HOOK3: variants seen among roughly 807,000 people sequenced by gnomAD.
HOOK3 encodes hook microtubule tethering protein 3, also known as protein Hook homolog 3.
HOOK3 carries 24 observed loss-of-function variants against 116.3 expected under a neutral mutation model. The ratio of observed to expected loss-of-function variants is 0.21; its 90% confidence interval spans 0.15 to 0.29. The LOEUF is 0.29. Ranked by LOEUF, HOOK3 falls within the 10% of genes least tolerant of loss-of-function variation. HOOK3 has a pLI of 1.00. For missense variants in HOOK3, 632 were observed against 830.2 expected (o/e 0.76, Z 2.93); for synonymous variants, 275 against 283.0 (o/e 0.97, Z 0.28).
At chr8:42,934,583 C>T (rs916012837) in intron 4 of HOOK3, among the ~76,000 whole-genome samples, 6 of 151,976 alleles carry the variant, frequency 3.9e-5, no homozygotes, top group Non-Finnish European at 7.4e-5. Context: ...GTGATGTTCC[C>T]TCCGTGTGTC....
Position 42,982,678 on chromosome 8 carries a change from T to C in HOOK3, c.1373T>C (p.Ile458Thr), listed in dbSNP as rs1360100584. ...QESSDSLAAE[I>T]VTPEIREKLI... ...TCTTCAGACAGTCTAGCTGCAGAGATTGTTACACCTGAAATCAGGTAAGGA... is the reference window on the plus strand; with the variant it reads ...TCTTCAGACAGTCTAGCTGCAGAGACTGTTACACCTGAAATCAGGTAAGGA... The change falls in exon 14 of 22, where the codon ATT becomes ACT. Residue 458 changes from isoleucine to threonine, a missense_variant. By Grantham distance (89) the Ile-to-Thr change is moderately conservative (BLOSUM62 -1). Transcript: ENST00000307602. 1 of 1,611,824 alleles carries C rather than the reference T, an allele frequency of 6.2e-7. No individual in the cohort carries two copies.
intron 15 of HOOK3, among the ~76,000 whole-genome samples, chr8:42,989,359 C>A (rs1473577941): frequency 6.6e-6 from 1 of 152,246 alleles, no homozygotes; most frequent in Non-Finnish European, 1.5e-5. Flanking sequence ...TGATAGAATA[C>A]CTGCAATATG....
Position 42,910,563 on chromosome 8 carries a change from G to A in HOOK3, c.143+4305G>A, listed in dbSNP as rs577472536. On this transcript the variant is annotated intron_variant, in intron 2 of 21. Coordinates refer to ENST00000307602, the MANE Select transcript of HOOK3 (RefSeq NM_032410.4). ...CCATTAATTAGTTTTGCCTGTTGTT[G>A]AATGTCTTGTAAGTAGAATCATACA... 1.9e-3 allele frequency among the ~76,000 whole-genome samples: 287 copies of A among 152,266 alleles called. 1 individual carries two copies. The highest frequency in any genetic ancestry group is 3.3e-3 in the South Asian group (16 of 4,816).
chr8:42,919,623 A>T (rs1335534986), intron 2 of HOOK3, among the ~76,000 whole-genome samples: 1 of 152,202 alleles, frequency 6.6e-6, no homozygotes, highest in Non-Finnish European at 1.5e-5. Flanking sequence ...GCCAGCCGAG[A>T]TTACGCCACT....
chr8:42,897,355 C>A (rs889781381), intron 1 of HOOK3, 167 bp downstream of exon 1: 2 of 415,202 alleles, frequency 4.8e-6, no homozygotes, highest in Non-Finnish European at 8.1e-6. Flanking sequence ...GAGAGACTTG[C>A]CGGGCCTGAG....
At chr8:42,957,414 T>C (rs1808456057) in intron 7 of HOOK3, among the ~76,000 whole-genome samples, 1 of 152,174 alleles carries the variant, frequency 6.6e-6, no homozygotes, top group Non-Finnish European at 1.5e-5. Context: ...ATTTTTTTAG[T>C]TTATTGTGAC....
intron 16 of HOOK3, among the ~76,000 whole-genome samples, chr8:43,001,578 A>G (rs768164433): frequency 5.9e-5 from 9 of 151,650 alleles, no homozygotes; most frequent in Non-Finnish European, 1.2e-4. Flanking sequence ...TGAAAGCTAC[A>G]TTCTCCAACA....
intron 14 of HOOK3, among the ~76,000 whole-genome samples, chr8:42,983,324 ACT>A (rs1425803986): frequency 5.6e-5 from 8 of 141,896 alleles, no homozygotes; most frequent in African/African-American, 1.6e-4. Context: ...ACAGAGTGAG[ACT>A]CTGTCTCAAA....
intron 13 of HOOK3, among the ~76,000 whole-genome samples, chr8:42,979,809 T>C (rs1283579774): frequency 6.6e-6 from 1 of 152,174 alleles, no homozygotes; most frequent in African/African-American, 2.4e-5. Context: ...CTATTCCAGA[T>C]TACCAAGGAC....
chr8:42,976,042 G>A (rs1013212819), intron 13 of HOOK3, among the ~76,000 whole-genome samples: 10 of 140,384 alleles, frequency 7.1e-5, no homozygotes, highest in South Asian at 2.2e-4. Flanking sequence ...ATATATATAT[G>A]TGTGTGTGTG....
intron 13 of HOOK3, among the ~76,000 whole-genome samples, chr8:42,975,720 T>C (rs1395030401): frequency 6.6e-6 from 1 of 152,168 alleles, no homozygotes; most frequent in African/African-American, 2.4e-5. Flanking sequence ...TAGATACATA[T>C]GTTGAGACGG....
At chr8:42,976,555 GA>G (rs1324990494) in intron 13 of HOOK3, among the ~76,000 whole-genome samples, 2 of 152,070 alleles carry the variant, frequency 1.3e-5, no homozygotes, top group Non-Finnish European at 2.9e-5. Context: ...CAGAAACAAA[GA>G]CTTAATTGCA....
At chr8:42,935,585 G>A (rs1031778139) in intron 4 of HOOK3, among the ~76,000 whole-genome samples, 1 of 152,080 alleles carries the variant, frequency 6.6e-6, no homozygotes, top group African/African-American at 2.4e-5. Flanking sequence ...TAAGGAAGGG[G>A]TCCAGTTTCA....
At position 42,963,767 on chromosome 8, in the gene HOOK3, C is replaced by T. The variant is rs569384982; in HGVS notation, c.616-544C>T. Reference sequence around the variant, plus strand: ...CTAATGATTATTTATTAGTGTGCTTCTTTGCCATCTCTATATCTTGTCTGG... The same window carrying T: ...CTAATGATTATTTATTAGTGTGCTTTTTTGCCATCTCTATATCTTGTCTGG... On this transcript the variant is annotated intron_variant, in intron 8 of 21. Coordinates refer to ENST00000307602, the MANE Select transcript of HOOK3 (RefSeq NM_032410.4). Among the ~76,000 whole-genome samples, 69 of 152,248 alleles carry T rather than the reference C, an allele frequency of 4.5e-4. 1 individual carries two copies. The highest frequency in any genetic ancestry group is 3.7e-3 in the South Asian group (18 of 4,818).
At position 43,027,311 on chromosome 8, in the gene HOOK3, C is replaced by T; in HGVS notation, c.*8813C>T. On this transcript the variant is annotated 3_prime_UTR_variant, in exon 22 of 22. Transcript: ENST00000307602. ...AACTTGAGTATATTAATATTCAAAT[C>T]ATAGTTCAAAAATACTGAAATACTT... 3.7e-6 allele frequency: 1 copy of T among 273,320 alleles called. No individual in the cohort carries two copies. Among genetic ancestry groups the T allele is most frequent in the South Asian group, 4.2e-5 (1 of 23,798 alleles). 16.9% of individuals were successfully genotyped at this position (273,320 alleles called of 1,614,324 possible).
chr8:42,927,362 T>C lies in HOOK3; in HGVS notation c.216+1733T>C, dbSNP rs191223942. Reference sequence around the variant, plus strand: ...ACCTCCGCCTCCCGAGTTCAAAAGATTCTCCTGCCTCGGTCTCCCGAGTAG... The same window carrying C: ...ACCTCCGCCTCCCGAGTTCAAAAGACTCTCCTGCCTCGGTCTCCCGAGTAG... On this transcript the variant is annotated intron_variant, in intron 3 of 21. Coordinates refer to ENST00000307602, the MANE Select transcript of HOOK3 (RefSeq NM_032410.4). Among the ~76,000 whole-genome samples the C allele has an allele frequency of 7.9e-5, 12 of 151,082 alleles. No homozygotes were observed. The Admixed American group carries it at 8.0e-4, about 10-fold the overall frequency.
intron 1 of HOOK3, among the ~76,000 whole-genome samples, chr8:42,901,601 T>A (rs1314717660): frequency 6.6e-6 from 1 of 152,212 alleles, no homozygotes; most frequent in Non-Finnish European, 1.5e-5. Context: ...CTCTGACCCT[T>A]ATGAGCAACT....
chr8:42,942,002 G>C (rs907832622), intron 4 of HOOK3, among the ~76,000 whole-genome samples: 1 of 152,188 alleles, frequency 6.6e-6, no homozygotes, highest in Admixed American at 6.6e-5. Context: ...ACTCACGCCT[G>C]TAATCTCAGC....
chr8:42,905,951 G>A (rs1807297723), intron 1 of HOOK3, among the ~76,000 whole-genome samples: 1 of 151,962 alleles, frequency 6.6e-6, no homozygotes, highest in Admixed American at 6.6e-5. Flanking sequence ...GCAGGGCGTG[G>A]TAGTGCGTTC....
Sources: gnomAD v4.1 joint callset for allele counts (sites outside exome capture counted in the v4.1 genomes callset) on GRCh38, gnomAD v4.1.1 for gene constraint, MANE v1.5 for transcripts, NCBI Gene and HGNC (gene_info 2026-07-23, HGNC 2026-07-21) for gene names.